GLG1: variants seen among roughly 807,000 people sequenced by gnomAD.
GLG1 encodes the protein Golgi apparatus protein 1.
A neutral mutation model predicts 160.5 loss-of-function variants in GLG1; 38 were observed. That is an observed-to-expected ratio of 0.24 (90% CI 0.18 to 0.31). GLG1 has a LOEUF of 0.31. GLG1 is among the 10% of genes least tolerant of loss of function. GLG1 has a pLI of 1.00. For missense variants in GLG1, 1,373 were observed against 1,505.2 expected (o/e 0.91, Z 1.45); for synonymous variants, 644 against 543.4 (o/e 1.19, Z -2.57).
At chr16:74,505,150 C>T (rs2016550123) in intron 3 of GLG1, among the ~76,000 whole-genome samples, 2 of 152,232 alleles carry the variant, frequency 1.3e-5, no homozygotes, top group African/African-American at 4.8e-5. Context: ...AAAACAAACA[C>T]AATCTCCTCT....
At chr16:74,559,417 C>G (rs2018443724) in intron 1 of GLG1, among the ~76,000 whole-genome samples, 1 of 144,622 alleles carries the variant, frequency 6.9e-6, no homozygotes, top group Non-Finnish European at 1.5e-5. Context: ...GCACTCCAGC[C>G]TGGGTGACAG....
At chr16:74,502,722 G>GTTTT (rs745410150) in intron 4 of GLG1, among the ~76,000 whole-genome samples, 1 of 109,582 alleles carries the variant, frequency 9.1e-6, no homozygotes, top group African/African-American at 3.6e-5. Context: ...TTTGTTTTTG[G>GTTTT]TTTTTTTTTT....
intron 9 of GLG1, 116 bp from the exon 10 acceptor site, chr16:74,483,240 G>A (rs2015671082): frequency 3.0e-6 from 2 of 660,580 alleles, no homozygotes; most frequent in South Asian, 3.6e-5. Flanking sequence ...AGGGCAATCA[G>A]ATTTATTTTT....
intron 8 of GLG1, among the ~76,000 whole-genome samples, chr16:74,488,317 A>C: frequency 6.6e-6 from 1 of 152,188 alleles, no homozygotes; most frequent in African/African-American, 2.4e-5. Context: ...CAAAACGGGC[A>C]GACTGCTTGA....
intron 2 of GLG1, among the ~76,000 whole-genome samples, chr16:74,530,693 A>C (rs2017505226): frequency 6.6e-6 from 1 of 150,460 alleles, no homozygotes; most frequent in African/African-American, 2.5e-5. Flanking sequence ...GCTGCAGTGC[A>C]GTTTTGTGAT....
At chr16:74,585,869 C>G (rs1275681278) in intron 1 of GLG1, among the ~76,000 whole-genome samples, 1 of 151,952 alleles carries the variant, frequency 6.6e-6, no homozygotes, top group Non-Finnish European at 1.5e-5. Flanking sequence ...TCAAGACCAG[C>G]CTGGCCATTA....
At chr16:74,535,001 T>A (rs187017715) in intron 1 of GLG1, among the ~76,000 whole-genome samples, 71 of 152,266 alleles carry the variant, frequency 4.7e-4, no homozygotes, top group African/African-American at 1.7e-3. Flanking sequence ...TTGGCCTGTA[T>A]TCCTGCACCC....
At chr16:74,488,418 C>A (rs1422683538) in intron 8 of GLG1, among the ~76,000 whole-genome samples, 2 of 151,902 alleles carry the variant, frequency 1.3e-5, no homozygotes, top group East Asian at 1.9e-4. Context: ...ATAAGCTCCC[C>A]CAAAATGAAT....
chr16:74,514,826 G>A (rs931423430), intron 2 of GLG1, among the ~76,000 whole-genome samples: 1 of 152,116 alleles, frequency 6.6e-6, no homozygotes, highest in Admixed American at 6.5e-5. Context: ...AAATGCCCCA[G>A]TTAAAAGACA....
intron 13 of GLG1, chr16:74,474,307 C>T (rs373213528): frequency 2.3e-6 from 1 of 433,254 alleles, no homozygotes; most frequent in Non-Finnish European, 4.2e-6. Context: ...TATGATAAAC[C>T]TAATTTATGA....
At chr16:74,480,917 T>C (rs1414650734) in intron 10 of GLG1, among the ~76,000 whole-genome samples, 1 of 152,162 alleles carries the variant, frequency 6.6e-6, no homozygotes, top group African/African-American at 2.4e-5. Context: ...GGAGAATAAC[T>C]TTCTATAGAA....
chr16:74,483,179 T>A, intron 9 of GLG1, 55 bp from the exon 10 acceptor site: 1 of 983,532 alleles, frequency 1.0e-6, no homozygotes, highest in Non-Finnish European at 1.6e-6. Flanking sequence ...GAACTCTATG[T>A]CAATATAGTA....
intron 1 of GLG1, among the ~76,000 whole-genome samples, chr16:74,586,589 C>T (rs539150172): frequency 6.6e-6 from 1 of 152,174 alleles, no homozygotes; most frequent in African/African-American, 2.4e-5. Context: ...ATCCTCTCAC[C>T]TCAGCCTCCA....
intron 4 of GLG1, among the ~76,000 whole-genome samples, chr16:74,503,249 G>A (rs1349860641): frequency 6.6e-6 from 1 of 151,960 alleles, no homozygotes; most frequent in Non-Finnish European, 1.5e-5. Flanking sequence ...CTTTGCCAGA[G>A]GCACATTACA....
chr16:74,533,559 T>C (rs2017605539), intron 1 of GLG1, among the ~76,000 whole-genome samples: 1 of 152,018 alleles, frequency 6.6e-6, no homozygotes, highest in Admixed American at 6.6e-5. Context: ...GGCAGGCAGA[T>C]CACTTGAGGT....
chr16:74,468,224 G>GTTTTTTTTTTTTT (rs1395188789), intron 17 of GLG1: 1 of 101,632 alleles, frequency 9.8e-6, no homozygotes, highest in African/African-American at 4.3e-5. Flanking sequence ...AGCTTGAAAT[G>GTTTTTTTTTTTTT]TCTTTTTTTT....
intron 2 of GLG1, among the ~76,000 whole-genome samples, chr16:74,521,696 T>C (rs968762264): frequency 6.6e-6 from 1 of 152,102 alleles, no homozygotes; most frequent in Non-Finnish European, 1.5e-5. Flanking sequence ...TGAGGTTCTA[T>C]GGAAAGGTCT....
chr16:74,475,956 T>A (rs1396905973), intron 12 of GLG1, among the ~76,000 whole-genome samples: 2 of 151,898 alleles, frequency 1.3e-5, no homozygotes, highest in East Asian at 3.9e-4. Context: ...CCAAGACAGG[T>A]GGATTGCCTG....
intron 1 of GLG1, among the ~76,000 whole-genome samples, chr16:74,585,784 C>A (rs1228165501): frequency 6.6e-6 from 1 of 151,620 alleles, no homozygotes; most frequent in African/African-American, 2.4e-5. Flanking sequence ...AAGATTTGGC[C>A]GGATGAGGTG....
Sources: allele counts gnomAD v4.1 joint callset (sites outside exome capture counted in the v4.1 genomes callset), GRCh38; gene constraint gnomAD v4.1.1; transcripts MANE v1.5; gene names NCBI Gene and HGNC (gene_info 2026-07-23, HGNC 2026-07-21).